The following CNTN4 variants were observed in gnomAD, a reference collection of about 807,000 sequenced individuals.
The protein encoded by CNTN4 is contactin 4.
CNTN4 carries 77 observed loss-of-function variants against 122.5 expected under a neutral mutation model. That is an observed-to-expected ratio of 0.63 (90% CI 0.52 to 0.76). The LOEUF is 0.76. CNTN4 is among the 30% of genes least tolerant of loss of function. The pLI, the probability that CNTN4 is intolerant of heterozygous loss-of-function variation, is 0.00. For missense variants in CNTN4, 1,256 were observed against 1,259.1 expected (o/e 1.00, Z 0.04); for synonymous variants, 512 against 447.0 (o/e 1.15, Z -1.83).
intron 2 of CNTN4, among the ~76,000 whole-genome samples, chr3:2,129,304 A>T (rs1463619499): frequency 1.3e-5 from 2 of 150,434 alleles, no homozygotes; most frequent in Non-Finnish European, 3.0e-5. Context: ...ATGTGCAGAG[A>T]CTTCCCATGG....
chr3:2,406,212 A>G (rs561696395), intron 3 of CNTN4, among the ~76,000 whole-genome samples: 44 of 152,222 alleles, frequency 2.9e-4, no homozygotes, highest in Admixed American at 5.9e-4. Context: ...CATTGGAAAA[A>G]CCCAGCAGAT....
intron 13 of CNTN4, among the ~76,000 whole-genome samples, chr3:2,934,299 G>A (rs2094549449): frequency 6.6e-6 from 1 of 152,210 alleles, no homozygotes; most frequent in Admixed American, 6.5e-5. Flanking sequence ...ATATCCAACT[G>A]AAATAAGAAT....
At chr3:2,307,173 C>T (rs1685461) in intron 2 of CNTN4, among the ~76,000 whole-genome samples, 42,779 of 152,046 alleles carry the variant, frequency 0.28, 6,786 homozygotes, top group East Asian at 0.47. Context: ...CAGTGGCTCA[C>T]GCCTGTAATC....
intron 3 of CNTN4, among the ~76,000 whole-genome samples, chr3:2,393,581 G>T (rs2046525009): frequency 6.6e-6 from 1 of 152,082 alleles, no homozygotes; most frequent in Admixed American, 6.5e-5. Context: ...TAATATGTGT[G>T]TACGGGCCTA....
chr3:2,484,774 G>A (rs557229608), intron 3 of CNTN4, among the ~76,000 whole-genome samples: 13 of 152,174 alleles, frequency 8.5e-5, no homozygotes, highest in South Asian at 2.1e-4. Context: ...GCCCTTGCTC[G>A]CTCTCCGCAC....
chr3:2,954,852 G>T (rs2094782321), intron 13 of CNTN4, among the ~76,000 whole-genome samples: 1 of 151,862 alleles, frequency 6.6e-6, no homozygotes, highest in Admixed American at 6.6e-5. Context: ...TAAAATCTTG[G>T]TTTTTGTTCT....
chr3:2,792,645 A>C (rs2149985732), intron 6 of CNTN4, among the ~76,000 whole-genome samples: 1 of 152,350 alleles, frequency 6.6e-6, no homozygotes, highest in African/African-American at 2.4e-5. Context: ...AGCTACAGAA[A>C]CCGTCTTGCT....
At chr3:2,241,241 A>G (rs373472448) in intron 2 of CNTN4, among the ~76,000 whole-genome samples, 50 of 152,196 alleles carry the variant, frequency 3.3e-4, no homozygotes, top group South Asian at 1.4e-3. Flanking sequence ...CTAATTAGAA[A>G]AGTTGTAGAT....
At chr3:2,916,352 T>C (rs2094354442) in intron 12 of CNTN4, among the ~76,000 whole-genome samples, 1 of 149,752 alleles carries the variant, frequency 6.7e-6, no homozygotes, top group Non-Finnish European at 1.5e-5. Context: ...CCCTGCGGCC[T>C]TCCGCAGTGT....
Position 3,053,993 on chromosome 3 carries a change from T to TC in CNTN4, c.2980+19dup, listed in dbSNP as rs1405191784. 1.2e-6 allele frequency: 2 copies of TC among 1,612,806 alleles called. No homozygotes were observed. Among genetic ancestry groups the TC allele is most frequent in the African/African-American group, 1.3e-5 (1 of 74,866 alleles). On this transcript the variant is annotated intron_variant, in intron 24 of 24. Coordinates refer to ENST00000418658, the MANE Select transcript of CNTN4 (RefSeq NM_175607.3). ...GATATCAAGTGAGAATGCCTTTTTT[T>TC]CTCCCTTTTCTCCTGCCTGTCTTAT...
intron 4 of CNTN4, among the ~76,000 whole-genome samples, chr3:2,713,211 G>A (rs1480453368): frequency 2.0e-5 from 3 of 152,104 alleles, no homozygotes; most frequent in African/African-American, 7.2e-5. Flanking sequence ...AAATGATATA[G>A]AAGGACCCCC....
intron 4 of CNTN4, among the ~76,000 whole-genome samples, chr3:2,729,908 C>T (rs1026019737): frequency 6.6e-6 from 1 of 152,072 alleles, no homozygotes; most frequent in Non-Finnish European, 1.5e-5. Flanking sequence ...AGGGAGACCC[C>T]ATCTCAAAAA....
chr3:2,323,405 G>T (rs2043338605), intron 2 of CNTN4, among the ~76,000 whole-genome samples: 1 of 152,122 alleles, frequency 6.6e-6, no homozygotes, highest in African/African-American at 2.4e-5. Context: ...AAATTAAAGT[G>T]CACATCCGTC....
At chr3:2,578,711 G>T (rs79412540) in intron 4 of CNTN4, among the ~76,000 whole-genome samples, 3,531 of 152,140 alleles carry the variant, frequency 0.023, 122 homozygotes, top group African/African-American at 0.076. Context: ...AAAATGACTT[G>T]CCGGTGTATT....
At chr3:2,618,433 G>A (rs1168039305) in intron 4 of CNTN4, among the ~76,000 whole-genome samples, 1 of 152,076 alleles carries the variant, frequency 6.6e-6, no homozygotes, top group Admixed American at 6.6e-5. Flanking sequence ...TAAGCTATAT[G>A]TGGGATATCC....
intron 3 of CNTN4, among the ~76,000 whole-genome samples, chr3:2,520,842 TGAG>T (rs993586105): frequency 1.3e-5 from 2 of 152,164 alleles, no homozygotes; most frequent in Admixed American, 6.6e-5. Context: ...GGTCCCATCT[TGAG>T]GACCACTGGC....
intron 2 of CNTN4, among the ~76,000 whole-genome samples, chr3:2,109,495 G>C (rs964872862): frequency 1.3e-5 from 2 of 152,076 alleles, no homozygotes; most frequent in South Asian, 4.1e-4. Context: ...TTGCACACTT[G>C]TATTAATATA....
intron 4 of CNTN4, among the ~76,000 whole-genome samples, chr3:2,674,977 G>A (rs1296556021): frequency 1.3e-5 from 2 of 152,086 alleles, no homozygotes; most frequent in Non-Finnish European, 2.9e-5. Flanking sequence ...GTGAGAACAC[G>A]TGGTATTTAT....
chr3:2,328,401 G>A lies in CNTN4; in HGVS notation c.-144-10777G>A, dbSNP rs375361702. Among the ~76,000 whole-genome samples, 198 of 152,064 alleles carry A rather than the reference G, an allele frequency of 1.3e-3. 1 individual carries two copies. The highest frequency in any genetic ancestry group is 4.2e-3 in the African/African-American group (173 of 41,530). ...AGCCTGGGCGACAGAGCGAGACTCC[G>A]TCTCAAAAAATAAAAAAATAAAAAA... is the stretch of plus-strand genomic sequence containing the variant. On this transcript the variant is annotated intron_variant, in intron 2 of 24. Coordinates refer to ENST00000418658, the MANE Select transcript of CNTN4 (RefSeq NM_175607.3).
Sources: gnomAD v4.1 joint callset for allele counts (sites outside exome capture counted in the v4.1 genomes callset) on GRCh38, gnomAD v4.1.1 for gene constraint, MANE v1.5 for transcripts, NCBI Gene and HGNC (gene_info 2026-07-23, HGNC 2026-07-21) for gene names.